The following MIDN variants were observed in gnomAD, a reference collection of about 807,000 sequenced individuals.
MIDN encodes midnolin.
A neutral mutation model predicts 46.1 loss-of-function variants in MIDN; 26 were observed. The observed-to-expected ratio is 0.56, with a 90% confidence interval of 0.41 to 0.78. The LOEUF (loss-of-function observed/expected upper bound fraction) is 0.78, where lower values mean the gene tolerates loss of function less well. Among genes scored for constraint, MIDN ranks in the 30% least tolerant of loss-of-function variants. The pLI, the probability that MIDN is intolerant of heterozygous loss-of-function variation, is 0.00. For missense variants in MIDN, 850 were observed against 771.8 expected (o/e 1.10, Z -1.20); for synonymous variants, 432 against 343.3 (o/e 1.26, Z -2.86).
intron 4 of MIDN, among the ~76,000 whole-genome samples, chr19:1,253,044 T>TGGGGGGGGGGGGGGGG (rs111898804): frequency 1.5e-5 from 2 of 131,776 alleles, no homozygotes; most frequent in African/African-American, 3.3e-5. Context: ...TGGGGGGGGC[T>TGGGGGGGGGGGGGGGG]GGAGGGGGTG....
chr19:1,255,773 T>C (rs2081192460), intron 8 of MIDN, 79 bp downstream of exon 8: 1 of 1,357,420 alleles, frequency 7.4e-7, no homozygotes, highest in Non-Finnish European at 9.8e-7. Flanking sequence ...GCTGGTGGGC[T>C]CAGGAGCAGC....
In MIDN at chr19:1,255,549, C is replaced by T. The variant is rs1226312764; in HGVS notation, c.1113C>T (p.Ala371=). The T allele has an allele frequency of 6.2e-7, 1 of 1,611,928 alleles. No homozygotes were observed. Among genetic ancestry groups the T allele is most frequent in the East Asian group, 2.2e-5 (1 of 44,876 alleles). Residue 371 remains alanine, a synonymous_variant, in exon 8 of 9, where the codon GCC becomes GCT. Coordinates refer to ENST00000682408, the MANE Select transcript of MIDN (RefSeq NM_001388306.1). ...RHYQGMPPSL[A]QLRCHAQCSP... is the part of the protein sequence containing the mutation. ...ACCAGGGCATGCCCCCTTCGCTGGC[C>T]CAGCTCCGCTGCCACGCCCAGTGCT...
At position 1,251,496 on chromosome 19, in the gene MIDN, C is replaced by T. The variant is rs914797265; in HGVS notation, c.234-66C>T. 2.8e-6 allele frequency: 4 copies of T among 1,433,952 alleles called. No individual in the cohort carries two copies. The African/African-American group carries it at 5.7e-5, about 21-fold the overall frequency. The allele number at this position is 1,433,952 out of a possible 1,614,324, so 88.8% of individuals were successfully genotyped here. The stretch of plus-strand genomic sequence containing the variant: ...CCCACACAAGCACAGCCCTCCCCCG[C>T]GGCCTCTGCTTCCGCGTCCCTGTGT... On this transcript the variant is annotated intron_variant, in intron 2 of 8. Coordinates refer to ENST00000682408, the MANE Select transcript of MIDN (RefSeq NM_001388306.1).
rs777832041 is a variant in MIDN, at chr19:1,254,189, G to A, written c.536G>A (p.Arg179His). ...RPQVSDFLSG[R>H]SPLTLALRVG... is the part of the protein sequence containing the mutation. ...CAGGTCAGTGACTTCCTGTCGGGCC[G>A]TTCGCCACTGACACTGGCCTTGCGT... Residue 179 changes from arginine (R) to histidine (H), a missense_variant, in exon 6 of 9, where the codon CGT becomes CAT. Arg to His is a conservative substitution (Grantham distance 29). Transcript: ENST00000682408. 5.0e-6 allele frequency: 8 copies of A among 1,597,676 alleles called. No homozygotes were observed. Among genetic ancestry groups the A allele is most frequent in the Admixed American group, 3.4e-5 (2 of 59,502 alleles).
rs557105581 is a variant in MIDN, at chr19:1,249,142, C to T, written c.-408+482C>T. Among the ~76,000 whole-genome samples the T allele has an allele frequency of 2.0e-5, 3 of 150,422 alleles. No individual in the cohort carries two copies. The East Asian group carries it at 5.9e-4, about 29-fold the overall frequency. On this transcript the variant is annotated intron_variant, in intron 1 of 8. Coordinates refer to ENST00000682408, the MANE Select transcript of MIDN (RefSeq NM_001388306.1). ...CGCGCGGGCGCAGCCGGGGACGCCG[C>T]GTCACGTCACGGCTCGAGCGGGCGC...
At position 1,250,289 on chromosome 19, in the gene MIDN, C is replaced by T; in HGVS notation, c.-8C>T. The stretch of plus-strand genomic sequence containing the variant: ...CCGCCGCCCCCAGCCCCCCAGCGCG[C>T]GCCGGGGATGGAGCCGCAGCCCGGC... On this transcript the variant is annotated 5_prime_UTR_variant, in exon 2 of 9. Transcript: ENST00000682408. The T allele has an allele frequency of 1.0e-6, 1 of 979,178 alleles. No individual in the cohort carries two copies. The highest frequency in any genetic ancestry group is 1.2e-6 in the Non-Finnish European group (1 of 825,274). The allele number at this position is 979,178 out of a possible 1,614,324, so 60.7% of individuals were successfully genotyped here.
At chr19:1,249,686 C>G (rs982470296) in intron 1 of MIDN, among the ~76,000 whole-genome samples, 9 of 118,484 alleles carry the variant, frequency 7.6e-5, no homozygotes. Flanking sequence ...GGGGGCGGGG[C>G]GAGGGGGCGG....
chr19:1,257,517 T>TTCATCC lies in MIDN; in HGVS notation c.*247_*248insATCCTC. 1 of 406,472 alleles carries TTCATCC rather than the reference T, an allele frequency of 2.5e-6. No homozygotes were observed. Among genetic ancestry groups the TTCATCC allele is most frequent in the South Asian group, 3.6e-5 (1 of 27,774 alleles). 25.2% of individuals were successfully genotyped at this position (406,472 alleles called of 1,614,324 possible). A position where few individuals can be genotyped will look rare whatever the true frequency, so the allele number is the denominator to read the frequency against. ...TTCACCCTTCACTCCTGCCCTCCTC[T>TTCATCC]TCCTCCTCCTCCTCCTCCTCCGTCT... On this transcript the variant is annotated 3_prime_UTR_variant, in exon 9 of 9. Transcript: ENST00000682408.
rs1320224527 is a variant in MIDN at position 1,248,592 on chromosome 19, C to T, written c.-476C>T. The stretch of plus-strand genomic sequence containing the variant: ...GCCGCGCGCTTGGCCCAGACCGGCC[C>T]GGCCAGCGCGCATTCGGCCCCGGAC... On this transcript the variant is annotated 5_prime_UTR_variant, in exon 1 of 9. Coordinates refer to ENST00000682408, the MANE Select transcript of MIDN (RefSeq NM_001388306.1). 1 of 152,160 alleles carries T rather than the reference C, an allele frequency of 6.6e-6. No individual in the cohort carries two copies. Among genetic ancestry groups the T allele is most frequent in the Admixed American group, 6.5e-5 (1 of 15,286 alleles). 9.4% of individuals were successfully genotyped at this position (152,160 alleles called of 1,614,324 possible).
At position 1,251,660 on chromosome 19, in the gene MIDN, A is replaced by G. The variant is rs201653876; in HGVS notation, c.321+11A>G. ...GAAGCGGGCCTCATGGTAAATGGCC[A>G]TGGGGCTGCGTGCCCCCAGAGGCCC... On this transcript the variant is annotated intron_variant, in intron 3 of 8. Coordinates refer to ENST00000682408, the MANE Select transcript of MIDN (RefSeq NM_001388306.1). 821 of 1,606,108 alleles carry G rather than the reference A, an allele frequency of 5.1e-4. 2 individuals carry two copies. In the African/African-American group the frequency reaches 9.7e-3, roughly 19 times the overall value.
At chr19:1,254,740 C>G (rs1004652878) in intron 6 of MIDN, among the ~76,000 whole-genome samples, 162 bp from the exon 7 acceptor site, 4 of 152,032 alleles carry the variant, frequency 2.6e-5, no homozygotes, top group African/African-American at 9.7e-5. Flanking sequence ...ATCTCTGTGT[C>G]CTGGGTTGGT....
At chr19:1,255,190 C>G (rs1340561242) in intron 7 of MIDN, 129 bp downstream of exon 7, 5 of 1,229,854 alleles carry the variant, frequency 4.1e-6, no homozygotes, top group Non-Finnish European at 5.6e-6. Context: ...GCTCACTTCA[C>G]ATGTCCCCCA....
At chr19:1,249,138 G>A (rs1343286691) in intron 1 of MIDN, among the ~76,000 whole-genome samples, 19 of 150,424 alleles carry the variant, frequency 1.3e-4, no homozygotes, top group Admixed American at 1.3e-3. Context: ...AGCCGGGGAC[G>A]CCGCGTCACG....
In MIDN at chr19:1,257,185, G is replaced by A; in HGVS notation, c.1449G>A (p.Glu483=). The change falls in exon 9 of 9, where the codon GAG becomes GAA. Residue 483 remains glutamate, a synonymous_variant. Coordinates refer to ENST00000682408, the MANE Select transcript of MIDN (RefSeq NM_001388306.1). ...SSSGGGGSPS[E]ASGLGLDFED... is the part of the protein sequence containing the mutation. The stretch of plus-strand genomic sequence containing the variant: ...GCGGGGGCGGCGGCAGCCCCAGCGA[G>A]GCCTCCGGCTTGGGCCTCGACTTCG... The A allele has an allele frequency of 6.2e-6, 10 of 1,611,942 alleles. No homozygotes were observed. Among genetic ancestry groups the A allele is most frequent in the South Asian group, 1.1e-5 (1 of 91,078 alleles).
At chr19:1,249,606 C>A (rs2081097135) in intron 1 of MIDN, among the ~76,000 whole-genome samples, 1 of 149,316 alleles carries the variant, frequency 6.7e-6, no homozygotes, top group African/African-American at 2.4e-5. Flanking sequence ...CGGGCGCGGG[C>A]GGGGCGGGGG....
rs908192832 is a variant in MIDN at position 1,249,699 on chromosome 19, C to T, written c.-407-191C>T. On this transcript the variant is annotated intron_variant, in intron 1 of 8. Coordinates refer to ENST00000682408, the MANE Select transcript of MIDN (RefSeq NM_001388306.1). ...CTGGGGGCGGGGCGAGGGGGCGGGC[C>T]CGGCTGCCACGTGGGGCGGTGCCGC... Among the ~76,000 whole-genome samples the T allele has an allele frequency of 1.6e-3, 231 of 148,714 alleles. 1 individual carries two copies. The highest frequency in any genetic ancestry group is 3.4e-3 in the Middle Eastern group (1 of 290).
At chr19:1,253,824 G>A in intron 4 of MIDN, 130 bp from the exon 5 acceptor site, 2 of 681,502 alleles carry the variant, frequency 2.9e-6, no homozygotes, top group Non-Finnish European at 4.1e-6. Flanking sequence ...GAAAGGCAAA[G>A]TGAAGGTTGT....
rs1334714377 is a variant in MIDN, at chr19:1,254,445, C to T, written c.792C>T (p.Phe264=). 1 of 1,564,278 alleles carries T rather than the reference C, an allele frequency of 6.4e-7. No homozygotes were observed. Among genetic ancestry groups the T allele is most frequent in the Non-Finnish European group, 8.6e-7 (1 of 1,162,048 alleles). Residue 264 remains phenylalanine, a synonymous_variant, in exon 6 of 9, where the codon TTC becomes TTT. Coordinates refer to ENST00000682408, the MANE Select transcript of MIDN (RefSeq NM_001388306.1). ...CCTCGCCCATCACAGCCGGCTCCTT[C>T]CGGTCCCACGCAGCCTCCACCACCT... is the stretch of plus-strand genomic sequence containing the variant. ...ASPSPITAGS[F]RSHAASTTCP...
chr19:1,255,185 C>T lies in MIDN; in HGVS notation c.985+124C>T, dbSNP rs2081183276. On this transcript the variant is annotated intron_variant, in intron 7 of 8. Transcript: ENST00000682408. ...TACACAGGCTGTGTCCGTCTGCTCA[C>T]TTCACATGTCCCCCAGGAATCCCCC... 3 of 1,245,372 alleles carry T rather than the reference C, an allele frequency of 2.4e-6. No individual in the cohort carries two copies. In the South Asian group the frequency reaches 4.3e-5, roughly 18 times the overall value. 77.1% of individuals were successfully genotyped at this position (1,245,372 alleles called of 1,614,324 possible). A position where few individuals can be genotyped will look rare whatever the true frequency, so the allele number is the denominator to read the frequency against.
Sources: allele counts gnomAD v4.1 joint callset (sites outside exome capture counted in the v4.1 genomes callset), GRCh38; gene constraint gnomAD v4.1.1; transcripts MANE v1.5; gene names NCBI Gene and HGNC (gene_info 2026-07-23, HGNC 2026-07-21).